Variants in TENM2 observed in about 807,000 individuals in gnomAD.
TENM2 encodes teneurin transmembrane protein 2, also known as teneurin-2.
TENM2 carries 52 observed loss-of-function variants against 245.2 expected under a neutral mutation model. The observed-to-expected ratio is 0.21, with a 90% CI of 0.17 to 0.27. The LOEUF is 0.27. Ranked by LOEUF, TENM2 falls within the 10% of genes least tolerant of loss-of-function variation. TENM2 has a pLI of 1.00. For synonymous variants in TENM2, 1,363 were observed against 1,438.9 expected, an observed-to-expected ratio of 0.95 and a Z score of 1.19; for missense variants, 3,046 against 3,666.8, an observed-to-expected ratio of 0.83 and a Z score of 4.37.
At chr5:167,322,766 C>G (rs1756847223) in intron 1 of TENM2, among the ~76,000 whole-genome samples, 1 of 152,142 alleles carries the variant, frequency 6.6e-6, no homozygotes, top group Admixed American at 6.5e-5. Context: ...GTTGAGAGAA[C>G]CATTAAACAC....
At chr5:167,530,031 T>TAAG (rs1338203046) in intron 2 of TENM2, among the ~76,000 whole-genome samples, 1 of 152,182 alleles carries the variant, frequency 6.6e-6, no homozygotes, top group Non-Finnish European at 1.5e-5. Context: ...TCCTTTGTAC[T>TAAG]AAGCAATATA....
the TENM2 span, among the ~76,000 whole-genome samples, chr5:166,982,106 T>C: frequency 1.3e-5 from 2 of 152,312 alleles, no homozygotes; most frequent in African/African-American, 4.8e-5. Context: ...ACTTAGATAG[T>C]TTCATTTCAA....
the TENM2 span, among the ~76,000 whole-genome samples, chr5:166,981,354 G>A: frequency 2.4e-4 from 36 of 152,232 alleles, no homozygotes; most frequent in African/African-American, 8.4e-4. Flanking sequence ...TTAGTGGGGG[G>A]AAAATCCAGC....
intron 9 of TENM2, among the ~76,000 whole-genome samples, chr5:168,115,376 G>GGAAGGAAGGAAA (rs1794987711): frequency 1.1e-5 from 1 of 92,650 alleles, no homozygotes; most frequent in Admixed American, 1.0e-4. Flanking sequence ...AAGGAAGGAA[G>GGAAGGAAGGAAA]GAAGGAAGGA....
chr5:167,197,171 A>G, the TENM2 span, among the ~76,000 whole-genome samples: 1 of 152,142 alleles, frequency 6.6e-6, no homozygotes, highest in Non-Finnish European at 1.5e-5. Flanking sequence ...GAGCCAAGAT[A>G]TATAAACTCA....
At chr5:167,464,930 A>G (rs1766547887) in intron 2 of TENM2, among the ~76,000 whole-genome samples, 1 of 152,262 alleles carries the variant, frequency 6.6e-6, no homozygotes, top group African/African-American at 2.4e-5. Context: ...CAGCATGCAT[A>G]GTATGTACAG....
At chr5:167,583,657 C>G (rs1051437171) in intron 2 of TENM2, among the ~76,000 whole-genome samples, 1 of 152,140 alleles carries the variant, frequency 6.6e-6, no homozygotes, top group Admixed American at 6.6e-5. Flanking sequence ...GGAGCACTTA[C>G]AACGCATAAT....
In TENM2 at chr5:167,838,406, G is replaced by A. The variant is rs1377111133; in HGVS notation, c.503-37580G>A. ...TATTTGTATGAATGCGTTCAAAGTG[G>A]CCATGTTTCTTCATAACTTTTTGGA... On this transcript the variant is annotated intron_variant, in intron 2 of 28. Coordinates refer to ENST00000518659, the Ensembl canonical transcript of TENM2. Among the ~76,000 whole-genome samples the A allele has an allele frequency of 2.6e-5, 4 of 152,154 alleles. No individual in the cohort carries two copies. The East Asian group carries it at 5.8e-4, about 22-fold the overall frequency.
intron 2 of TENM2, among the ~76,000 whole-genome samples, chr5:167,781,324 T>C (rs1037475840): frequency 4.6e-5 from 7 of 152,186 alleles, no homozygotes; most frequent in Non-Finnish European, 8.8e-5. Context: ...GTAAATTCCA[T>C]GTTACAAAAT....
exon 25 of TENM2, chr5:168,228,060 A>G (rs1376894399): frequency 1.2e-6 from 2 of 1,613,852 alleles, no homozygotes; most frequent in East Asian, 4.5e-5. Flanking sequence ...AATGGCTTAA[A>G]CTCCATTGAG....
At chr5:167,682,871 A>G (rs1262210555) in intron 2 of TENM2, among the ~76,000 whole-genome samples, 1 of 152,168 alleles carries the variant, frequency 6.6e-6, no homozygotes, top group Non-Finnish European at 1.5e-5. Context: ...AGACTTTCTC[A>G]TAGTTTACAT....
intron 6 of TENM2, among the ~76,000 whole-genome samples, chr5:168,056,014 T>C (rs904338252): frequency 3.3e-5 from 5 of 152,216 alleles, no homozygotes; most frequent in Admixed American, 1.3e-4. Flanking sequence ...CTTAACTACT[T>C]TGTTTCCTTG....
chr5:167,993,210 C>T (rs376256319), intron 5 of TENM2, 28 bp downstream of exon 7: 28 of 1,572,706 alleles, frequency 1.8e-5, no homozygotes, highest in South Asian at 6.7e-5. Flanking sequence ...TATTCAGCAA[C>T]GCTGGGGATG....
At chr5:167,984,689 T>G (rs115855859) in intron 4 of TENM2, among the ~76,000 whole-genome samples, 1,533 of 152,324 alleles carry the variant, frequency 0.01, 27 homozygotes, top group African/African-American at 0.035. Context: ...GTTTTTTTTG[T>G]AATGTGTGCA....
the TENM2 span, among the ~76,000 whole-genome samples, chr5:167,008,692 T>C: frequency 2.8e-4 from 42 of 152,306 alleles, no homozygotes; most frequent in African/African-American, 9.1e-4. Flanking sequence ...GTTTGGACTT[T>C]TTCTCAGATA....
At chr5:167,163,389 G>A in the TENM2 span, among the ~76,000 whole-genome samples, 1 of 152,156 alleles carries the variant, frequency 6.6e-6, no homozygotes, top group African/African-American at 2.4e-5. Context: ...GTGAGCCACT[G>A]CACCTAGCCA....
chr5:167,831,197 A>G (rs1052336335), intron 2 of TENM2, among the ~76,000 whole-genome samples: 1 of 152,042 alleles, frequency 6.6e-6, no homozygotes, highest in African/African-American at 2.4e-5. Context: ...GCTTATATAA[A>G]TTTTGAATTG....
intron 2 of TENM2, among the ~76,000 whole-genome samples, chr5:167,538,428 T>A (rs1295010105): frequency 2.0e-5 from 3 of 152,202 alleles, no homozygotes; most frequent in Admixed American, 6.5e-5. Flanking sequence ...GATTGACTGG[T>A]GATGTCTTGA....
intron 5 of TENM2, among the ~76,000 whole-genome samples, chr5:168,011,974 G>A (rs960412991): frequency 6.6e-6 from 1 of 152,108 alleles, no homozygotes; most frequent in Admixed American, 6.5e-5. Flanking sequence ...TTATGCATAG[G>A]CATGCATAGT....
Sources: allele counts gnomAD v4.1 joint callset (sites outside exome capture counted in the v4.1 genomes callset), GRCh38; gene constraint gnomAD v4.1.1; transcripts MANE v1.5; gene names NCBI Gene and HGNC (gene_info 2026-07-23, HGNC 2026-07-21).